Variants in AP2B1 observed in about 807,000 individuals in gnomAD.
The protein encoded by AP2B1 is adaptor related protein complex 2 subunit beta 1, also known as AP-2 complex subunit beta.
Under a neutral mutation model 102.0 loss-of-function variants are expected in AP2B1, and 23 were observed. The ratio of observed to expected loss-of-function variants is 0.23; its 90% CI spans 0.16 to 0.32. The LOEUF is 0.32. Among genes scored for constraint, AP2B1 ranks in the 10% least tolerant of loss-of-function variants. The probability of loss-of-function intolerance (pLI) is 1.00; values close to 1 mark genes in which losing one functional copy is unlikely to be tolerated. For synonymous variants in AP2B1, 381 were observed against 421.2 expected, an observed-to-expected ratio of 0.90 and a Z score of 1.17; for missense variants, 541 against 1,157.4, an observed-to-expected ratio of 0.47 and a Z score of 7.73.
At chr17:35,691,131 A>G (rs1214469056) in intron 18 of AP2B1, among the ~76,000 whole-genome samples, 2 of 152,094 alleles carry the variant, frequency 1.3e-5, no homozygotes, top group South Asian at 2.1e-4. Context: ...GGCAATATTC[A>G]TCAGTCTGTT....
At chr17:35,657,457 C>G (rs2075258350) in intron 13 of AP2B1, 142 bp from the exon 14 acceptor site, 3 of 572,268 alleles carry the variant, frequency 5.2e-6, no homozygotes, top group Admixed American at 3.5e-5. Context: ...TGAACATAAA[C>G]AAATGGTTAT....
chr17:35,708,513 ATTGTGAGAAGAAAATTTATTTAT>A (rs1457951522), intron 18 of AP2B1, among the ~76,000 whole-genome samples: 1 of 151,920 alleles, frequency 6.6e-6, no homozygotes, highest in Non-Finnish European at 1.5e-5. Context: ...AGAAGTTTGT[ATTGTGAGAAGAAAATTTATTTAT>A]TTGCTCGCTT....
chr17:35,697,916 C>T (rs2143001574), intron 18 of AP2B1, among the ~76,000 whole-genome samples: 1 of 152,296 alleles, frequency 6.6e-6, no homozygotes, highest in African/African-American at 2.4e-5. Flanking sequence ...GCTGAGATCC[C>T]ACCACTGCAC....
chr17:35,708,577 T>C (rs143763796), intron 18 of AP2B1, among the ~76,000 whole-genome samples: 1 of 152,324 alleles, frequency 6.6e-6, no homozygotes, highest in East Asian at 1.9e-4. Flanking sequence ...GTCATCAGGT[T>C]TACCAGTGTT....
chr17:35,657,527 G>A, intron 13 of AP2B1, 72 bp from the exon 14 acceptor site: 4 of 1,271,114 alleles, frequency 3.1e-6, no homozygotes, highest in Non-Finnish European at 3.3e-6. Flanking sequence ...ATGTTTCACT[G>A]TTGTTGCGAT....
chr17:35,686,233 G>A (rs2075928170), intron 18 of AP2B1, among the ~76,000 whole-genome samples: 1 of 152,122 alleles, frequency 6.6e-6, no homozygotes, highest in African/African-American at 2.4e-5. Context: ...CTCCTACTGG[G>A]AGCCTTTCTT....
At position 35,605,797 on chromosome 17, in the gene AP2B1, G is replaced by A. The variant is rs752585201; in HGVS notation, c.236G>A (p.Ser79Asn). 1 of 1,614,100 alleles carries A rather than the reference G, an allele frequency of 6.2e-7. No individual in the cohort carries two copies. The highest frequency in any genetic ancestry group is 1.1e-5 in the South Asian group (1 of 91,068). ...CTCTACTTGATGAACTACGCCAAGA[G>A]TCAGCCAGACATGGCCATCATGGCT... ...VYLYLMNYAK[S>N]QPDMAIMAVN... is the part of the protein sequence containing the mutation. The change falls in exon 4 of 22, where the codon AGT (serine) becomes AAT (asparagine). Residue 79 changes from serine (S) to asparagine (N), a missense_variant. By Grantham distance (46) the Ser-to-Asn change is conservative. Coordinates refer to ENST00000610402, the MANE Select transcript of AP2B1 (RefSeq NM_001030006.2).
At chr17:35,667,034 C>T (rs1187427198) in intron 14 of AP2B1, among the ~76,000 whole-genome samples, 1 of 152,164 alleles carries the variant, frequency 6.6e-6, no homozygotes, top group Non-Finnish European at 1.5e-5. Context: ...TATACAACAA[C>T]TTTCTTGTGT....
rs1331917062 is a variant in AP2B1 at position 35,725,376 on chromosome 17, A to C, written c.*1677A>C. On this transcript the variant is annotated 3_prime_UTR_variant, in exon 22 of 22. Coordinates refer to ENST00000610402, the MANE Select transcript of AP2B1 (RefSeq NM_001030006.2). ...CAGGCGTCATGTTGGACTGAGACCTAACTCACTGGACTCAGAGGAGGAATC... is the reference window on the plus strand; with the variant it reads ...CAGGCGTCATGTTGGACTGAGACCTCACTCACTGGACTCAGAGGAGGAATC... The C allele has an allele frequency of 6.6e-6, 1 of 152,218 alleles. No individual in the cohort carries two copies. Among genetic ancestry groups the C allele is most frequent in the Non-Finnish European group, 1.5e-5 (1 of 68,078 alleles). 9.4% of individuals were successfully genotyped at this position (152,218 alleles called of 1,614,324 possible). A position where few individuals can be genotyped will look rare whatever the true frequency, so the allele number is the denominator to read the frequency against.
intron 17 of AP2B1, among the ~76,000 whole-genome samples, chr17:35,678,522 G>A (rs192292398): frequency 6.6e-6 from 1 of 152,168 alleles, no homozygotes; most frequent in African/African-American, 2.4e-5. Flanking sequence ...CGTGGAGCTT[G>A]AGGAAGTTTC....
At chr17:35,658,077 G>A (rs1439470394) in intron 14 of AP2B1, among the ~76,000 whole-genome samples, 3 of 151,986 alleles carry the variant, frequency 2.0e-5, no homozygotes, top group Non-Finnish European at 4.4e-5. Flanking sequence ...TTAATGTTTA[G>A]TATCTTTTCC....
chr17:35,639,804 T>G (rs372349255), intron 11 of AP2B1, 44 bp downstream of exon 11: 1 of 1,564,388 alleles, frequency 6.4e-7, no homozygotes, highest in Non-Finnish European at 8.7e-7. Flanking sequence ...TTAGATGTCT[T>G]TGGGGAGATT....
chr17:35,653,938 T>G (rs1032598089), intron 13 of AP2B1, among the ~76,000 whole-genome samples: 1 of 152,242 alleles, frequency 6.6e-6, no homozygotes, highest in African/African-American at 2.4e-5. Flanking sequence ...ATTTTTCCTG[T>G]CGTCCTTCTA....
intron 21 of AP2B1, among the ~76,000 whole-genome samples, chr17:35,722,869 C>T (rs587618203): frequency 3.3e-5 from 5 of 152,122 alleles, no homozygotes; most frequent in Non-Finnish European, 5.9e-5. Flanking sequence ...AAATTTTGTC[C>T]TTACTGACTC....
At chr17:35,594,359 C>G (rs2073193547) in intron 2 of AP2B1, among the ~76,000 whole-genome samples, 2 of 152,076 alleles carry the variant, frequency 1.3e-5, no homozygotes, top group East Asian at 1.9e-4. Flanking sequence ...GTGAGGAGGA[C>G]AAAAGAAGCA....
intron 4 of AP2B1, among the ~76,000 whole-genome samples, chr17:35,606,489 C>G (rs2073680360): frequency 6.6e-6 from 1 of 152,138 alleles, no homozygotes; most frequent in African/African-American, 2.4e-5. Context: ...ATCCACCCAC[C>G]TCAGCCTCAC....
At chr17:35,680,201 C>G (rs2075787829) in intron 17 of AP2B1, among the ~76,000 whole-genome samples, 1 of 152,096 alleles carries the variant, frequency 6.6e-6, no homozygotes, top group African/African-American at 2.4e-5. Flanking sequence ...AGCCACCGCA[C>G]CAGCCTGTAT....
chr17:35,607,105 A>G (rs1469058498), intron 4 of AP2B1, among the ~76,000 whole-genome samples: 2 of 152,122 alleles, frequency 1.3e-5, no homozygotes, highest in African/African-American at 4.8e-5. Flanking sequence ...GGGTTTCACC[A>G]TATTGGCCAG....
Position 35,674,227 on chromosome 17 carries a change from A to G in AP2B1, c.2230A>G (p.Thr744Ala), listed in dbSNP as rs147829807. 187 of 1,614,186 alleles carry G rather than the reference A, an allele frequency of 1.2e-4. No individual in the cohort carries two copies. The highest frequency in any genetic ancestry group is 4.3e-4 in the Admixed American group (26 of 60,030). ...AKGLEISGTFTHRQGHIYMEM... is the reference protein window; with the variant it reads ...AKGLEISGTFAHRQGHIYMEM... ...AGGCTTGGAGATTTCCGGAACATTT[A>G]CTCACCGCCAAGGGCACATCTATAT... The change falls in exon 17 of 22, where the codon ACT becomes GCT. Residue 744 changes from threonine (T) to alanine (A), a missense_variant. Physicochemically the swap from Thr to Ala is moderately conservative, Grantham distance 58. This residue lies in a region of AP2B1 where 62 missense variants were observed against 87.6 expected (regional missense o/e 0.71). Coordinates refer to ENST00000610402, the MANE Select transcript of AP2B1 (RefSeq NM_001030006.2).
Sources: gnomAD v4.1 joint callset for allele counts (sites outside exome capture counted in the v4.1 genomes callset) on GRCh38, gnomAD v4.1.1 for gene constraint, gnomAD v4.1.1 regional missense constraint, MANE v1.5 for transcripts, NCBI Gene and HGNC (gene_info 2026-07-23, HGNC 2026-07-21) for gene names.